SVIL: variants seen among roughly 807,000 people sequenced by gnomAD.
The protein encoded by SVIL is supervillin, also known as archvillin.
A neutral mutation model predicts 240.4 loss-of-function variants in SVIL; 101 were observed. The observed-to-expected ratio is 0.42, with a 90% confidence interval of 0.36 to 0.50. SVIL has a LOEUF of 0.50. Among genes scored for constraint, SVIL ranks in the 20% least tolerant of loss-of-function variants. The probability of loss-of-function intolerance (pLI) is 0.01; values close to 1 mark genes in which losing one functional copy is unlikely to be tolerated. For synonymous variants in SVIL, 999 were observed against 1,100.0 expected (o/e 0.91, Z 1.82); for missense variants, 2,512 against 2,818.7 (o/e 0.89, Z 2.46).
intron 5 of SVIL, among the ~76,000 whole-genome samples, chr10:29,552,512 G>C (rs946312873): frequency 1.4e-5 from 2 of 146,064 alleles, no homozygotes; most frequent in Non-Finnish European, 3.0e-5. Flanking sequence ...GCAGTGAGCC[G>C]AGATCATGCC....
In SVIL at chr10:29,526,981, C is replaced by G; in HGVS notation, c.2322G>C (p.Arg774Ser). 1.2e-6 allele frequency: 2 copies of G among 1,608,920 alleles called. No individual in the cohort carries two copies. Among genetic ancestry groups the G allele is most frequent in the South Asian group, 1.1e-5 (1 of 90,094 alleles). The stretch of plus-strand genomic sequence containing the variant: ...AGTACCTGGCAGGCTGCACAGCGCT[C>G]CTAGCTACAGTGGGGCTAGGAAGTC... ...MARLPSPTVARSAVQPARLQA... is the reference protein window; with the variant it reads ...MARLPSPTVASSAVQPARLQA... The change falls in exon 13 of 38, where the codon AGG (arginine) becomes AGC (serine). Residue 774 changes from arginine to serine, a missense_variant. Transcript: ENST00000355867.
intron 1 of SVIL, among the ~76,000 whole-genome samples, chr10:29,577,839 A>T (rs1289572976): frequency 6.6e-6 from 1 of 152,240 alleles, no homozygotes; most frequent in Non-Finnish European, 1.5e-5. Context: ...ATCAAAAAAT[A>T]AAATAGTTGT....
Position 29,544,228 on chromosome 10 carries a change from A to T in SVIL, c.827+6369T>A, listed in dbSNP as rs1952427698. Reference sequence around the variant, plus strand: ...TAACAGCTTCTAATTATAAAACGTTAAGAATGGCTATTAACTTTTGAATCT... The same window carrying T: ...TAACAGCTTCTAATTATAAAACGTTTAGAATGGCTATTAACTTTTGAATCT... On this transcript the variant is annotated intron_variant, in intron 6 of 37. Coordinates refer to ENST00000355867, the MANE Select transcript of SVIL (RefSeq NM_021738.3). Among the ~76,000 whole-genome samples, 3 of 152,198 alleles carry T rather than the reference A, an allele frequency of 2.0e-5. No individual in the cohort carries two copies. In the South Asian group the frequency reaches 6.2e-4, roughly 31 times the overall value.
chr10:29,544,833 G>A (rs1443994572), intron 6 of SVIL, among the ~76,000 whole-genome samples: 1 of 151,120 alleles, frequency 6.6e-6, no homozygotes, highest in Non-Finnish European at 1.5e-5. Flanking sequence ...AAAAAAGAGG[G>A]AATGACTTAC....
At position 29,530,684 on chromosome 10, in the gene SVIL, A is replaced by G. The variant is rs765869742; in HGVS notation, c.2045-16T>C. The G allele has an allele frequency of 8.7e-6, 14 of 1,614,054 alleles. No homozygotes were observed. The highest frequency in any genetic ancestry group is 1.1e-5 in the Non-Finnish European group (13 of 1,179,960). On this transcript the variant is annotated splice_polypyrimidine_tract_variant and intron_variant, in intron 10 of 37. Transcript: ENST00000355867. ...TTTTCTTCATCTGCAAAAAGCCACA[A>G]ATTAAAAACTGGACATCATTAGAGA...
intron 3 of SVIL, among the ~76,000 whole-genome samples, chr10:29,649,379 C>T (rs868636857): frequency 1.3e-5 from 2 of 152,086 alleles, no homozygotes; most frequent in Non-Finnish European, 2.9e-5. Flanking sequence ...CCACGGCATG[C>T]CTCTTTCATA....
At chr10:29,510,217 G>T (rs1949726840) in intron 17 of SVIL, among the ~76,000 whole-genome samples, 1 of 152,188 alleles carries the variant, frequency 6.6e-6, no homozygotes, top group African/African-American at 2.4e-5. Context: ...CATAATAAAA[G>T]ACCTAAAATG....
At chr10:29,530,460 AT>A in intron 11 of SVIL, 146 bp downstream of exon 11, 267 of 835,402 alleles carry the variant, frequency 3.2e-4, no homozygotes, top group Non-Finnish European at 3.6e-4. Context: ...TACAATTTTT[AT>A]TTTTTTTGAG....
At chr10:29,661,220 G>A (rs1435051182) in intron 2 of SVIL, among the ~76,000 whole-genome samples, 5 of 151,518 alleles carry the variant, frequency 3.3e-5, no homozygotes, top group Admixed American at 2.6e-4. Flanking sequence ...TAGAAATCTG[G>A]TTTGCTTAAA....
chr10:29,621,401 G>A (rs143026719), intron 1 of SVIL, among the ~76,000 whole-genome samples: 54 of 152,394 alleles, frequency 3.5e-4, no homozygotes, highest in African/African-American at 1.2e-3. Flanking sequence ...GCATTCCAGA[G>A]CAGATGGAGA....
chr10:29,473,751 G>C, intron 30 of SVIL, 87 bp downstream of exon 30: 8 of 1,566,172 alleles, frequency 5.1e-6, no homozygotes, highest in Non-Finnish European at 7.0e-6. Context: ...TCAGAATCAT[G>C]TTGGGAGGGA....
chr10:29,620,924 G>GACTTTTTAAATAA (rs1279546760), intron 1 of SVIL, among the ~76,000 whole-genome samples: 1 of 151,134 alleles, frequency 6.6e-6, no homozygotes, highest in Non-Finnish European at 1.5e-5. Flanking sequence ...GGCTATCCCT[G>GACTTTTTAAATAA]ACTTTTTAAA....
intron 16 of SVIL, among the ~76,000 whole-genome samples, chr10:29,515,654 C>A (rs1419418509): frequency 2.6e-5 from 4 of 152,190 alleles, no homozygotes; most frequent in Non-Finnish European, 4.4e-5. Flanking sequence ...GAACATCCAC[C>A]TTGTTAATCA....
rs1471380311 is a variant in SVIL at position 29,555,208 on chromosome 10, CT to C, written c.-50-101del. On this transcript the variant is annotated intron_variant, in intron 3 of 37. Transcript: ENST00000355867. ...GTTTATTGAACTGCAAATTTCAGTT[CT>C]TGATTCCTATGTCACAGTGACATGC... The C allele has an allele frequency of 2.6e-6, 3 of 1,173,118 alleles. No individual in the cohort carries two copies. The African/African-American group carries it at 4.7e-5, about 18-fold the overall frequency. The allele number at this position is 1,173,118 out of a possible 1,614,324, so 72.7% of individuals were successfully genotyped here. A position where few individuals can be genotyped will look rare whatever the true frequency, so the allele number is the denominator to read the frequency against.
At chr10:29,720,867 A>T (rs1963928689) in intron 1 of SVIL, among the ~76,000 whole-genome samples, 2 of 152,182 alleles carry the variant, frequency 1.3e-5, no homozygotes, top group African/African-American at 4.8e-5. Flanking sequence ...TTGTTTTTTG[A>T]GACACAGTCT....
intron 9 of SVIL, 143 bp downstream of exon 9, chr10:29,531,859 A>G: frequency 1.0e-6 from 1 of 1,000,882 alleles, no homozygotes; most frequent in African/African-American, 1.6e-5. Context: ...AAATAAGCCA[A>G]ATAAATAACG....
chr10:29,558,128 C>T (rs1954108445), intron 3 of SVIL, among the ~76,000 whole-genome samples: 1 of 152,112 alleles, frequency 6.6e-6, no homozygotes, highest in African/African-American at 2.4e-5. Context: ...CCTTAGACAC[C>T]CAGGCCCTAG....
At chr10:29,572,375 T>C (rs1955466144) in intron 1 of SVIL, among the ~76,000 whole-genome samples, 1 of 151,920 alleles carries the variant, frequency 6.6e-6, no homozygotes, top group Non-Finnish European at 1.5e-5. Flanking sequence ...AGAAACTTGA[T>C]GGTAAGGTCA....
chr10:29,463,144 G>A (rs561842245), intron 35 of SVIL, among the ~76,000 whole-genome samples: 1 of 152,352 alleles, frequency 6.6e-6, no homozygotes, highest in East Asian at 1.9e-4. Context: ...GTACAGGGCA[G>A]AGGCCAACTT....
Sources: gnomAD v4.1 joint callset for allele counts (sites outside exome capture counted in the v4.1 genomes callset) on GRCh38, gnomAD v4.1.1 for gene constraint, MANE v1.5 for transcripts, NCBI Gene and HGNC (gene_info 2026-07-23, HGNC 2026-07-21) for gene names.